The following DCC variants were observed in gnomAD, a reference collection of about 807,000 sequenced individuals.
DCC encodes the protein DCC netrin 1 receptor.
In DCC, 58 loss-of-function variants were observed where a neutral mutation model predicts 172.5. That is an observed-to-expected ratio of 0.34 (90% CI 0.27 to 0.42). DCC has a LOEUF of 0.42. Among genes scored for constraint, DCC ranks in the 10% least tolerant of loss-of-function variants. DCC has a pLI of 1.00. For synonymous variants in DCC, 709 were observed against 644.5 expected, an observed-to-expected ratio of 1.10 and a Z score of -1.52; for missense variants, 1,740 against 1,791.0, an observed-to-expected ratio of 0.97 and a Z score of 0.51.
At chr18:52,546,421 TG>T (rs1434479966) in intron 1 of DCC, among the ~76,000 whole-genome samples, 1 of 152,122 alleles carries the variant, frequency 6.6e-6, no homozygotes, top group East Asian at 1.9e-4. Context: ...CAGCACAGCC[TG>T]GGTTGTCCAG....
At chr18:52,912,006 C>T (rs1371027811) in intron 3 of DCC, among the ~76,000 whole-genome samples, 4 of 151,894 alleles carry the variant, frequency 2.6e-5, no homozygotes, top group Admixed American at 6.6e-5. Flanking sequence ...TATGGACTCT[C>T]ACAGTCTATT....
At chr18:52,959,771 T>C (rs977925471) in intron 5 of DCC, among the ~76,000 whole-genome samples, 2 of 152,156 alleles carry the variant, frequency 1.3e-5, no homozygotes, top group Non-Finnish European at 2.9e-5. Flanking sequence ...ATATATCTGC[T>C]GTTTTTGCTA....
intron 8 of DCC, among the ~76,000 whole-genome samples, chr18:53,177,481 T>A (rs754917775): frequency 2.0e-5 from 3 of 152,130 alleles, no homozygotes; most frequent in Non-Finnish European, 4.4e-5. Flanking sequence ...AGCCCTAAAA[T>A]ATATAATGGC....
intron 1 of DCC, among the ~76,000 whole-genome samples, chr18:52,455,882 C>T (rs761254487): frequency 1.3e-5 from 2 of 152,186 alleles, no homozygotes; most frequent in African/African-American, 2.4e-5. Context: ...TTATGGCACA[C>T]TCCATCCCTA....
At chr18:52,565,914 T>C (rs2033149667) in intron 1 of DCC, among the ~76,000 whole-genome samples, 1 of 152,190 alleles carries the variant, frequency 6.6e-6, no homozygotes, top group African/African-American at 2.4e-5. Context: ...TCTTTGCCCA[T>C]GCCTATGTCC....
At chr18:53,351,135 G>A (rs1166035844) in intron 15 of DCC, among the ~76,000 whole-genome samples, 1 of 149,422 alleles carries the variant, frequency 6.7e-6, no homozygotes, top group Non-Finnish European at 1.5e-5. Context: ...ATTTGTAACT[G>A]TTTTCTTACT....
intron 1 of DCC, among the ~76,000 whole-genome samples, chr18:52,380,204 T>C (rs959460073): frequency 6.6e-6 from 1 of 152,112 alleles, no homozygotes; most frequent in African/African-American, 2.4e-5. Flanking sequence ...TATCTCTTAC[T>C]GTCACCACAA....
intron 7 of DCC, among the ~76,000 whole-genome samples, chr18:53,141,269 G>A (rs2144349356): frequency 6.6e-6 from 1 of 152,244 alleles, no homozygotes; most frequent in Admixed American, 6.5e-5. Flanking sequence ...ATAGGGAATG[G>A]GAAAGTAAGA....
chr18:52,828,962 G>C (rs1020149188), intron 2 of DCC, among the ~76,000 whole-genome samples: 3 of 152,176 alleles, frequency 2.0e-5, no homozygotes, highest in Non-Finnish European at 4.4e-5. Flanking sequence ...TGACAGTTTT[G>C]ATTTCAGCTA....
chr18:53,499,494 A>G lies in DCC; in HGVS notation c.4095A>G (p.Pro1365=). 1 of 1,613,818 alleles carries G rather than the reference A, an allele frequency of 6.2e-7. No individual in the cohort carries two copies. Among genetic ancestry groups the G allele is most frequent in the Non-Finnish European group, 8.5e-7 (1 of 1,179,806 alleles). ...SAIEPKVPYT[P]LLSQPGPTLP... ...TAGAACCGAAAGTCCCTTACACACC[A>G]CTTTTGTCTCAGCCAGGTAAAGTAC... is the stretch of plus-strand genomic sequence containing the variant. Residue 1365 remains proline (P), a synonymous_variant, in exon 27 of 29, where the codon CCA becomes CCG. Coordinates refer to ENST00000442544, the MANE Select transcript of DCC (RefSeq NM_005215.4).
At chr18:53,445,680 A>G (rs1417837073) in intron 22 of DCC, among the ~76,000 whole-genome samples, 2 of 152,194 alleles carry the variant, frequency 1.3e-5, no homozygotes, top group Admixed American at 1.3e-4. Context: ...TCAATGAACC[A>G]ATTTTTTAAT....
intron 1 of DCC, among the ~76,000 whole-genome samples, chr18:52,604,841 T>C (rs1410027603): frequency 2.6e-5 from 4 of 152,180 alleles, no homozygotes; most frequent in Non-Finnish European, 4.4e-5. Flanking sequence ...ACAGTCATCA[T>C]ATAAATTATC....
chr18:52,953,940 A>G (rs1419327707), intron 5 of DCC, among the ~76,000 whole-genome samples: 3 of 152,302 alleles, frequency 2.0e-5, no homozygotes, highest in Admixed American at 2.0e-4. Context: ...TTAGGCTAAA[A>G]CACCATGGTG....
intron 1 of DCC, among the ~76,000 whole-genome samples, chr18:52,654,728 TG>T (rs1238193938): frequency 9.9e-5 from 15 of 152,090 alleles, no homozygotes; most frequent in African/African-American, 3.6e-4. Flanking sequence ...ATATGGATTT[TG>T]GTGGGGGGAT....
chr18:53,288,342 C>A (rs1027197450), intron 12 of DCC, among the ~76,000 whole-genome samples: 1 of 152,072 alleles, frequency 6.6e-6, no homozygotes, highest in African/African-American at 2.4e-5. Flanking sequence ...TGGACAATGG[C>A]ATATTCTGAA....
chr18:53,031,448 A>T (rs1254167622), intron 5 of DCC, among the ~76,000 whole-genome samples: 2 of 152,148 alleles, frequency 1.3e-5, no homozygotes, highest in Admixed American at 6.6e-5. Flanking sequence ...AAAAGTACAG[A>T]TCTTTAGAGT....
chr18:53,028,956 T>A (rs1410681755), intron 5 of DCC, among the ~76,000 whole-genome samples: 6 of 152,208 alleles, frequency 3.9e-5, no homozygotes, highest in African/African-American at 1.4e-4. Context: ...CCATTTGAGC[T>A]ATAGTTTTAA....
At chr18:52,924,779 A>G (rs939000383) in intron 4 of DCC, among the ~76,000 whole-genome samples, 1 of 152,060 alleles carries the variant, frequency 6.6e-6, no homozygotes, top group African/African-American at 2.4e-5. Context: ...AAATCCAGTT[A>G]CCATTTCAGC....
intron 1 of DCC, among the ~76,000 whole-genome samples, chr18:52,373,013 A>G (rs1319538662): frequency 6.6e-6 from 1 of 152,166 alleles, no homozygotes; most frequent in African/African-American, 2.4e-5. Flanking sequence ...GATTGTGTTG[A>G]CAACACACCT....
Sources: gnomAD v4.1 joint callset for allele counts (sites outside exome capture counted in the v4.1 genomes callset) on GRCh38, gnomAD v4.1.1 for gene constraint, MANE v1.5 for transcripts, NCBI Gene and HGNC (gene_info 2026-07-23, HGNC 2026-07-21) for gene names.